Variants in ARHGAP29 observed in about 807,000 individuals in gnomAD.
ARHGAP29 encodes rho GTPase-activating protein 29.
ARHGAP29 carries 43 observed loss-of-function variants against 122.6 expected under a neutral mutation model. The ratio of observed to expected loss-of-function variants is 0.35; its 90% CI spans 0.27 to 0.45. The LOEUF is 0.45. Ranked by LOEUF, ARHGAP29 falls within the 20% of genes least tolerant of loss-of-function variation. The probability of loss-of-function intolerance (pLI) is 1.00; values close to 1 mark genes in which losing one functional copy is unlikely to be tolerated. For synonymous variants in ARHGAP29, 506 were observed against 497.1 expected (o/e 1.02, Z -0.24); for missense variants, 1,303 against 1,477.2 (o/e 0.88, Z 1.93).
Position 94,260,159 on chromosome 1 carries a change from G to A in ARHGAP29, c.-33+14853C>T, listed in dbSNP as rs573862008. Among the ~76,000 whole-genome samples, 39 of 152,290 alleles carry A rather than the reference G, an allele frequency of 2.6e-4. 1 individual carries two copies. In the South Asian group the frequency reaches 8.1e-3, roughly 32 times the overall value. On this transcript the variant is annotated intron_variant and NMD_transcript_variant, in intron 1 of 25. Coordinates refer to the ARHGAP29 transcript ENST00000552844. ...CTAAAATCTGTTATGCCTGGGATGA[G>A]CCATGGACATTCGAGTGTGCATTAT...
At chr1:94,283,553 A>G in the ARHGAP29 span, among the ~76,000 whole-genome samples, 5 of 152,218 alleles carry the variant, frequency 3.3e-5, no homozygotes, top group Non-Finnish European at 7.3e-5. Flanking sequence ...TACCTCATGG[A>G]AAGAATGTTC....
At position 94,178,028 on chromosome 1, in the gene ARHGAP29, A is replaced by T; in HGVS notation, c.2620T>A (p.Leu874Met). 1 of 1,614,174 alleles carries T rather than the reference A, an allele frequency of 6.2e-7. No homozygotes were observed. The highest frequency in any genetic ancestry group is 8.5e-7 in the Non-Finnish European group (1 of 1,180,026). The change falls in exon 21 of 23, where the codon TTG (leucine) becomes ATG (methionine). Residue 874 changes from leucine (L) to methionine (M), a missense_variant. Around this residue, in one of 3 missense-constraint regions of ARHGAP29, gnomAD observed 620 missense variants for 651.2 expected, o/e 0.95. Coordinates refer to ENST00000260526, the MANE Select transcript of ARHGAP29 (RefSeq NM_004815.4). ...GAGTAAGTAATGAGAAACTCTACCAAGCGTGCTTGATTTGAATACTCTGCA... is the reference window on the plus strand; with the variant it reads ...GAGTAAGTAATGAGAAACTCTACCATGCGTGCTTGATTTGAATACTCTGCA... ...SLAEYSNQARLVEFLITYSQK... is the reference protein window; with the variant it reads ...SLAEYSNQARMVEFLITYSQK...
At position 94,174,017 on chromosome 1, in the gene ARHGAP29, G is replaced by A. The variant is rs1237831137; in HGVS notation, c.3638C>T (p.Ser1213Leu). 6.2e-7 allele frequency: 1 copy of A among 1,614,208 alleles called. No homozygotes were observed. Among genetic ancestry groups the A allele is most frequent in the Non-Finnish European group, 8.5e-7 (1 of 1,180,028 alleles). Residue 1213 changes from serine (S) to leucine (L), a missense_variant, in exon 23 of 23, where the codon TCA (serine) becomes TTA (leucine). Physicochemically the swap from Ser to Leu is moderately radical, Grantham distance 145 (BLOSUM62 -2). This residue lies in a region of ARHGAP29 where 620 missense variants were observed against 651.2 expected (regional missense o/e 0.95). Transcript: ENST00000260526. ...ACCAGTTGCTTGCCCAGGACAAGCT[G>A]ATGCTTTGTCTGGGTCTGGCATTGA... ...VKSMPDPDKASACPGQATGQP... is the reference protein window; with the variant it reads ...VKSMPDPDKALACPGQATGQP...
chr1:94,248,752 G>T (rs1375777731), intron 1 of ARHGAP29, among the ~76,000 whole-genome samples: 1 of 152,184 alleles, frequency 6.6e-6, no homozygotes, highest in African/African-American at 2.4e-5. Flanking sequence ...GCTCAGGCTG[G>T]AGTGCAGTGG....
intron 16 of ARHGAP29, 98 bp downstream of exon 16, chr1:94,186,401 A>G (rs1041635205): frequency 4.7e-6 from 4 of 851,558 alleles, no homozygotes; most frequent in Non-Finnish European, 7.1e-6. Context: ...AATACACAAA[A>G]AAGTATTGAT....
chr1:94,168,977 A>G lies in ARHGAP29; in HGVS notation c.*4892T>C, dbSNP rs1244330759. Among the ~76,000 whole-genome samples the G allele has an allele frequency of 6.6e-6, 1 of 152,208 alleles. No homozygotes were observed. Among genetic ancestry groups the G allele is most frequent in the Non-Finnish European group, 1.5e-5 (1 of 68,034 alleles). On this transcript the variant is annotated 3_prime_UTR_variant, in exon 23 of 23. Coordinates refer to ENST00000260526, the MANE Select transcript of ARHGAP29 (RefSeq NM_004815.4). ...TTATGGATGCAGAGTAGATTGGTTG[A>G]GTGTGAGGACACTTAAAAATAGCAT...
At chr1:94,231,050 T>C (rs540860294) in intron 2 of ARHGAP29, among the ~76,000 whole-genome samples, 218 of 152,168 alleles carry the variant, frequency 1.4e-3, no homozygotes, top group African/African-American at 5.0e-3. Context: ...ATGTAAATTA[T>C]AAACATTAGT....
chr1:94,191,115 G>A (rs375714134), intron 12 of ARHGAP29: 1 of 152,152 alleles, frequency 6.6e-6, no homozygotes, highest in South Asian at 2.1e-4. Flanking sequence ...TATGGAAAGA[G>A]CTGGAGCTCT....
Position 94,203,197 on chromosome 1 carries a change from A to G in ARHGAP29, c.776T>C (p.Leu259Pro), listed in dbSNP as rs1650975881. 1 of 1,604,516 alleles carries G rather than the reference A, an allele frequency of 6.2e-7. No homozygotes were observed. Among genetic ancestry groups the G allele is most frequent in the Non-Finnish European group, 8.5e-7 (1 of 1,177,012 alleles). ...TNIGIQEFMP[L>P]QSLFTNALLN... is the part of the protein sequence containing the mutation. The stretch of plus-strand genomic sequence containing the variant: ...AAGAGCATTAGTAAACAGAGACTGC[A>G]GTGGCATGAACTCCTAAAATTTAAA... The change falls in exon 9 of 23, where the codon CTG becomes CCG. Residue 259 changes from leucine (L) to proline (P), a missense_variant. Coordinates refer to ENST00000260526, the MANE Select transcript of ARHGAP29 (RefSeq NM_004815.4).
the ARHGAP29 span, chr1:94,303,154 A>G: frequency 1.3e-5 from 2 of 152,610 alleles, no homozygotes; most frequent in Admixed American, 1.3e-4. Flanking sequence ...TCTACATCAG[A>G]CACCCTGAAA....
intron 1 of ARHGAP29, among the ~76,000 whole-genome samples, chr1:94,262,080 T>G (rs915076468): frequency 4.6e-5 from 7 of 151,812 alleles, no homozygotes; most frequent in African/African-American, 1.7e-4. Context: ...AACAAACAGA[T>G]TGCTGAGAAA....
chr1:94,312,355 G>GTTTTTTTT, the ARHGAP29 span, among the ~76,000 whole-genome samples: 2 of 88,800 alleles, frequency 2.3e-5, no homozygotes, highest in Non-Finnish European at 4.6e-5. Context: ...ATTTTTATTT[G>GTTTTTTTT]TTTTTTTTTT....
At chr1:94,201,099 T>C (rs1453189547) in intron 12 of ARHGAP29, among the ~76,000 whole-genome samples, 1 of 151,500 alleles carries the variant, frequency 6.6e-6, no homozygotes, top group East Asian at 1.9e-4. Flanking sequence ...CTCCAAATAA[T>C]TTGGTTCAAT....
the ARHGAP29 span, among the ~76,000 whole-genome samples, chr1:94,313,056 T>C: frequency 6.6e-6 from 1 of 152,194 alleles, no homozygotes; most frequent in Non-Finnish European, 1.5e-5. Flanking sequence ...GTCTAATGAG[T>C]GTGTGAAACC....
At chr1:94,179,322 G>A (rs1210312236) in intron 20 of ARHGAP29, among the ~76,000 whole-genome samples, 1 of 152,044 alleles carries the variant, frequency 6.6e-6, no homozygotes, top group Non-Finnish European at 1.5e-5. Flanking sequence ...AGTGCCAGGC[G>A]CGGTGGCTCA....
At chr1:94,289,289 TTGTC>T in the ARHGAP29 span, among the ~76,000 whole-genome samples, 1 of 152,202 alleles carries the variant, frequency 6.6e-6, no homozygotes, top group Non-Finnish European at 1.5e-5. Context: ...GGCTCTCTGT[TTGTC>T]TGTTCTTGGT....
At chr1:94,204,591 G>A (rs1226819846) in intron 7 of ARHGAP29, among the ~76,000 whole-genome samples, 1 of 151,334 alleles carries the variant, frequency 6.6e-6, no homozygotes, top group Non-Finnish European at 1.5e-5. Flanking sequence ...TCTCTCAGCT[G>A]TAATATAGGA....
At chr1:94,243,155 A>G (rs1484932742) in intron 1 of ARHGAP29, among the ~76,000 whole-genome samples, 1 of 152,128 alleles carries the variant, frequency 6.6e-6, no homozygotes, top group Non-Finnish European at 1.5e-5. Context: ...ATCATTAAGG[A>G]TCATTAAGGA....
intron 16 of ARHGAP29, 38 bp from the exon 17 acceptor site, chr1:94,185,519 T>C (rs754115558): frequency 1.2e-5 from 18 of 1,521,518 alleles, no homozygotes; most frequent in Non-Finnish European, 1.5e-5. Flanking sequence ...TGTAAAATGA[T>C]AGAAAAATTA....
Sources: gnomAD v4.1 joint callset for allele counts (sites outside exome capture counted in the v4.1 genomes callset) on GRCh38, gnomAD v4.1.1 for gene constraint, gnomAD v4.1.1 regional missense constraint, MANE v1.5 for transcripts, NCBI Gene and HGNC (gene_info 2026-07-23, HGNC 2026-07-21) for gene names.